The following ERBB4 variants were observed in gnomAD, a reference collection of about 807,000 sequenced individuals.
ERBB4 encodes the protein erb-b2 receptor tyrosine kinase 4.
ERBB4 carries 42 observed loss-of-function variants against 158.0 expected under a neutral mutation model. The ratio of observed to expected loss-of-function variants is 0.27; its 90% CI spans 0.21 to 0.34. The LOEUF is 0.34. Ranked by LOEUF, ERBB4 falls within the 10% of genes least tolerant of loss-of-function variation. The probability of loss-of-function intolerance (pLI) is 1.00; values close to 1 mark genes in which losing one functional copy is unlikely to be tolerated. For synonymous variants in ERBB4, 583 were observed against 558.7 expected, an observed-to-expected ratio of 1.04 and a Z score of -0.61; for missense variants, 1,333 against 1,624.1, an observed-to-expected ratio of 0.82 and a Z score of 3.08.
intron 2 of ERBB4, among the ~76,000 whole-genome samples, chr2:212,050,294 T>C (rs555104984): frequency 6.6e-6 from 1 of 152,338 alleles, no homozygotes; most frequent in South Asian, 2.1e-4. Flanking sequence ...TCTGTATCCA[T>C]AACCACTTTC....
intron 1 of ERBB4, among the ~76,000 whole-genome samples, chr2:212,293,856 A>AAG (rs1174687072): frequency 9.6e-6 from 1 of 104,064 alleles, no homozygotes; most frequent in Non-Finnish European, 2.2e-5. Context: ...TCAAAAAAAA[A>AAG]AACAAAAAAA....
intron 5 of ERBB4, among the ~76,000 whole-genome samples, chr2:211,744,560 T>C (rs1258408081): frequency 6.6e-6 from 1 of 152,224 alleles, no homozygotes; most frequent in African/African-American, 2.4e-5. Context: ...TATTCAGAGA[T>C]GTTTTCAATC....
chr2:211,857,949 T>C (rs1289592194), intron 3 of ERBB4, among the ~76,000 whole-genome samples: 1 of 152,222 alleles, frequency 6.6e-6, no homozygotes, highest in Admixed American at 6.5e-5. Flanking sequence ...AAATGGTGAG[T>C]ACCTCCAGGA....
At chr2:212,259,471 A>T (rs998168902) in intron 1 of ERBB4, among the ~76,000 whole-genome samples, 2 of 152,168 alleles carry the variant, frequency 1.3e-5, no homozygotes, top group Non-Finnish European at 2.9e-5. Context: ...AACCATGTGA[A>T]TACATTTATT....
intron 19 of ERBB4, among the ~76,000 whole-genome samples, chr2:211,587,194 A>AT (rs58760064): frequency 1.6e-5 from 2 of 127,326 alleles, no homozygotes; most frequent in Admixed American, 7.4e-5. Flanking sequence ...CTCTACTTAC[A>AT]AAAAAAAAAA....
chr2:212,496,506 C>A (rs927888627), intron 1 of ERBB4, among the ~76,000 whole-genome samples: 4 of 152,168 alleles, frequency 2.6e-5, no homozygotes, highest in African/African-American at 9.6e-5. Context: ...ACAGAGACAT[C>A]TGGCAACCCA....
intron 1 of ERBB4, among the ~76,000 whole-genome samples, chr2:212,152,715 A>G (rs542735617): frequency 1.4e-4 from 21 of 152,228 alleles, no homozygotes; most frequent in African/African-American, 4.8e-4. Context: ...CTCCACTCAT[A>G]AGTTTAAAGG....
At chr2:211,516,907 T>C (rs141376142) in intron 20 of ERBB4, among the ~76,000 whole-genome samples, 1 of 152,224 alleles carries the variant, frequency 6.6e-6, no homozygotes, top group African/African-American at 2.4e-5. Flanking sequence ...GGCACAGGGA[T>C]AGAGAATGGA....
At chr2:211,842,691 GAC>G (rs1175329367) in intron 3 of ERBB4, among the ~76,000 whole-genome samples, 3 of 151,986 alleles carry the variant, frequency 2.0e-5, no homozygotes, top group African/African-American at 7.2e-5. Flanking sequence ...TCCCGCCACT[GAC>G]ACAAACACTG....
At chr2:211,413,842 C>T (rs925125820) in intron 25 of ERBB4, among the ~76,000 whole-genome samples, 2 of 151,726 alleles carry the variant, frequency 1.3e-5, no homozygotes, top group African/African-American at 4.8e-5. Flanking sequence ...AAAAAGAAAG[C>T]TCTCAGCAAA....
chr2:211,998,896 C>T (rs1344458107), intron 2 of ERBB4, among the ~76,000 whole-genome samples: 1 of 151,730 alleles, frequency 6.6e-6, no homozygotes, highest in African/African-American at 2.4e-5. Flanking sequence ...CTATGATTAC[C>T]TTTATGTCAA....
At chr2:211,508,799 TG>T (rs1450760898) in intron 20 of ERBB4, among the ~76,000 whole-genome samples, 2 of 151,970 alleles carry the variant, frequency 1.3e-5, no homozygotes, top group Non-Finnish European at 2.9e-5. Flanking sequence ...ATGTGGCACA[TG>T]GCACCTGTAG....
intron 3 of ERBB4, among the ~76,000 whole-genome samples, chr2:211,915,270 AATG>A (rs2079654924): frequency 6.6e-6 from 1 of 151,962 alleles, no homozygotes; most frequent in Non-Finnish European, 1.5e-5. Context: ...CTTGGTAGCT[AATG>A]ATTTATTTTT....
intron 20 of ERBB4, among the ~76,000 whole-genome samples, chr2:211,465,139 A>C (rs2064646367): frequency 6.6e-6 from 1 of 151,856 alleles, no homozygotes; most frequent in South Asian, 2.1e-4. Context: ...GAGCCACCAC[A>C]CCCAGCGAGC....
At chr2:211,678,017 T>C (rs1442241021) in intron 13 of ERBB4, among the ~76,000 whole-genome samples, 1 of 152,194 alleles carries the variant, frequency 6.6e-6, no homozygotes, top group African/African-American at 2.4e-5. Context: ...TCAAATAGTA[T>C]GTTATGATAA....
chr2:212,307,435 G>A (rs1336016192), intron 1 of ERBB4, among the ~76,000 whole-genome samples: 1 of 149,878 alleles, frequency 6.7e-6, no homozygotes, highest in Non-Finnish European at 1.5e-5. Context: ...ACTTTGAATT[G>A]CATAATAAAA....
At chr2:212,013,703 A>T (rs1274873720) in intron 2 of ERBB4, among the ~76,000 whole-genome samples, 1 of 152,204 alleles carries the variant, frequency 6.6e-6, no homozygotes, top group Non-Finnish European at 1.5e-5. Flanking sequence ...GCTGGCAATT[A>T]TCAGAAGCTA....
intron 14 of ERBB4, among the ~76,000 whole-genome samples, chr2:211,668,426 C>G (rs1285413516): frequency 6.6e-6 from 1 of 151,988 alleles, no homozygotes; most frequent in African/African-American, 2.4e-5. Context: ...CATTATATTC[C>G]CAAAGGCTTT....
chr2:211,919,921 ATACAC>A (rs2079811226), intron 3 of ERBB4, among the ~76,000 whole-genome samples: 1 of 152,022 alleles, frequency 6.6e-6, no homozygotes, highest in Non-Finnish European at 1.5e-5. Flanking sequence ...TTCCTATAAA[ATACAC>A]AATATTTAAA....
Sources: gnomAD v4.1 joint callset for allele counts (sites outside exome capture counted in the v4.1 genomes callset) on GRCh38, gnomAD v4.1.1 for gene constraint, MANE v1.5 for transcripts, NCBI Gene and HGNC (gene_info 2026-07-23, HGNC 2026-07-21) for gene names.